DMD: variants seen among roughly 807,000 people sequenced by gnomAD.
DMD encodes dystrophin.
In DMD, 63 loss-of-function variants were observed where a neutral mutation model predicts 330.1. The ratio of observed to expected loss-of-function variants is 0.19; its 90% CI spans 0.16 to 0.24. The LOEUF (loss-of-function observed/expected upper bound fraction) is 0.24, where lower values mean the gene tolerates loss of function less well. Ranked by LOEUF, DMD falls within the 10% of genes least tolerant of loss-of-function variation. The probability of loss-of-function intolerance (pLI) is 1.00; values close to 1 mark genes in which losing one functional copy is unlikely to be tolerated. For missense variants in DMD, 3,344 were observed against 2,684.1 expected, an observed-to-expected ratio of 1.25 and a Z score of -5.43; for synonymous variants, 1,223 against 959.8, an observed-to-expected ratio of 1.27 and a Z score of -5.07.
At chrX:32,747,743 T>C (rs945979195) in intron 7 of DMD, among the ~76,000 whole-genome samples, 38 of 110,744 alleles carry the variant, frequency 3.4e-4, no homozygotes, top group Non-Finnish European at 6.4e-4. Context: ...CCTCCCAAAG[T>C]GCTGGGACTA....
chrX:33,008,853 CGT>C (rs2093464283), intron 2 of DMD, among the ~76,000 whole-genome samples: 10 of 93,178 alleles, frequency 1.1e-4, no homozygotes, highest in Non-Finnish European at 1.9e-4. Context: ...TATATGTATA[CGT>C]GTATATATAC....
chrX:31,577,959 T>C (rs1454061617), intron 55 of DMD, among the ~76,000 whole-genome samples: 1 of 111,338 alleles, frequency 9.0e-6, no homozygotes, highest in Non-Finnish European at 1.9e-5. Context: ...ATTGCCTTTA[T>C]ATTGAAAAAA....
chrX:32,504,431 C>A (rs973430487), intron 18 of DMD, among the ~76,000 whole-genome samples: 2 of 110,675 alleles, frequency 1.8e-5, no homozygotes, highest in Admixed American at 1.9e-4. Flanking sequence ...CGAGACCAGC[C>A]TGGCCAACAT....
intron 55 of DMD, among the ~76,000 whole-genome samples, chrX:31,576,754 A>C (rs2076117376): frequency 2.1e-5 from 2 of 97,375 alleles, no homozygotes; most frequent in African/African-American, 7.0e-5. Context: ...AAAATATATG[A>C]GGTTGTTTTT....
intron 9 of DMD, among the ~76,000 whole-genome samples, chrX:32,677,012 G>C (rs1368759325): frequency 9.0e-6 from 1 of 111,261 alleles, no homozygotes; most frequent in East Asian, 2.8e-4. Context: ...ATATGTAAAA[G>C]AGTTTTACAT....
intron 76 of DMD, among the ~76,000 whole-genome samples, chrX:31,145,886 C>G (rs1401928679): frequency 8.9e-6 from 1 of 111,929 alleles, no homozygotes; most frequent in East Asian, 2.8e-4. Flanking sequence ...TGGTCTTCAA[C>G]TCCTAACCTT....
intron 53 of DMD, among the ~76,000 whole-genome samples, chrX:31,671,531 T>G (rs886867833): frequency 8.9e-6 from 1 of 112,438 alleles, no homozygotes; most frequent in Non-Finnish European, 1.9e-5. Context: ...TATCTTTGTC[T>G]GGTTAGGAAG....
At chrX:32,429,117 A>T (rs1166381827) in intron 29 of DMD, among the ~76,000 whole-genome samples, 2 of 108,953 alleles carry the variant, frequency 1.8e-5, no homozygotes, top group Admixed American at 9.9e-5. Flanking sequence ...TTGATGCTTT[A>T]TTCTGAAAAT....
chrX:31,777,374 G>C (rs1372427304), intron 50 of DMD, among the ~76,000 whole-genome samples: 1 of 110,994 alleles, frequency 9.0e-6, no homozygotes, highest in Non-Finnish European at 1.9e-5. Flanking sequence ...TTTTCCTATC[G>C]AAGGGAGAAA....
intron 55 of DMD, among the ~76,000 whole-genome samples, chrX:31,578,171 T>A (rs996283360): frequency 1.8e-5 from 2 of 111,709 alleles, no homozygotes; most frequent in African/African-American, 6.5e-5. Context: ...TTATAGGTTA[T>A]CTGTAGGCAT....
intron 45 of DMD, 49 bp from the exon 46 acceptor site, chrX:31,932,276 C>T: frequency 9.7e-7 from 1 of 1,029,069 alleles, no homozygotes; most frequent in Non-Finnish European, 1.4e-6. Flanking sequence ...ACATAGTTCT[C>T]AAACTATTTG....
chrX:31,472,741 AG>A (rs2067393543), intron 59 of DMD, among the ~76,000 whole-genome samples: 1 of 112,281 alleles, frequency 8.9e-6, no homozygotes, highest in South Asian at 3.7e-4. Flanking sequence ...CATAATTTCT[AG>A]CCTACTACAC....
At chrX:31,645,482 G>C (rs942165538) in intron 54 of DMD, among the ~76,000 whole-genome samples, 2 of 112,247 alleles carry the variant, frequency 1.8e-5, no homozygotes, top group Non-Finnish European at 3.8e-5. Flanking sequence ...TCTGAATAGA[G>C]TCAAAATTCA....
At chrX:31,988,237 C>T (rs139869827) in intron 44 of DMD, among the ~76,000 whole-genome samples, 2,396 of 109,542 alleles carry the variant, frequency 0.022, 31 homozygotes, top group Non-Finnish European at 0.035. Context: ...CTTTGGGAGG[C>T]CAAGGTGGGT....
At chrX:32,984,808 A>G (rs2092802382) in intron 2 of DMD, among the ~76,000 whole-genome samples, 1 of 111,334 alleles carries the variant, frequency 9.0e-6, no homozygotes. Flanking sequence ...CCTTTTAAGT[A>G]GTGTTTGTAT....
At chrX:33,270,880 G>T (rs1489961908) in intron 1 of DMD, among the ~76,000 whole-genome samples, 1 of 111,388 alleles carries the variant, frequency 9.0e-6, no homozygotes, top group Non-Finnish European at 1.9e-5. Flanking sequence ...AAACATAAAT[G>T]AATATAATCT....
intron 2 of DMD, among the ~76,000 whole-genome samples, chrX:32,951,126 G>C (rs1185870431): frequency 9.0e-6 from 1 of 111,122 alleles, no homozygotes; most frequent in Non-Finnish European, 1.9e-5. Flanking sequence ...GCAATATTCA[G>C]CTGACAAGCC....
chrX:32,506,543 T>C (rs962591383), intron 18 of DMD, among the ~76,000 whole-genome samples: 1 of 109,984 alleles, frequency 9.1e-6, no homozygotes. Context: ...ATCTATAAGG[T>C]AGTAATTTTG....
intron 52 of DMD, among the ~76,000 whole-genome samples, chrX:31,697,248 A>T (rs919495670): frequency 8.9e-6 from 1 of 111,877 alleles, no homozygotes; most frequent in Non-Finnish European, 1.9e-5. Flanking sequence ...ATATTGTTAG[A>T]TTTACATTTA....
Sources: allele counts gnomAD v4.1 joint callset (sites outside exome capture counted in the v4.1 genomes callset), GRCh38; gene constraint gnomAD v4.1.1; transcripts MANE v1.5; gene names NCBI Gene and HGNC (gene_info 2026-07-23, HGNC 2026-07-21).